The following RALYL variants were observed in gnomAD, a reference collection of about 807,000 sequenced individuals.
RALYL encodes the protein RNA-binding Raly-like protein.
In RALYL, 29 loss-of-function variants were observed where a neutral mutation model predicts 35.1. The observed-to-expected ratio is 0.83, with a 90% CI of 0.61 to 1.13. The LOEUF is 1.13. Among genes scored for constraint, RALYL ranks in the 50% most tolerant of loss-of-function variants. The pLI is 0.00. For missense variants in RALYL, 359 were observed against 360.4 expected (o/e 1.00, Z 0.03); for synonymous variants, 120 against 127.6 (o/e 0.94, Z 0.40).
chr8:84,314,389 G>A (rs897384525), intron 1 of RALYL, among the ~76,000 whole-genome samples: 8 of 151,702 alleles, frequency 5.3e-5, no homozygotes, highest in Admixed American at 1.3e-4. Context: ...ATAAAAAGAA[G>A]AGAAAAGATA....
intron 2 of RALYL, among the ~76,000 whole-genome samples, chr8:84,749,098 T>TA (rs532869373): frequency 2.6e-5 from 4 of 152,020 alleles, no homozygotes; most frequent in Non-Finnish European, 2.9e-5. Flanking sequence ...CTAAAGTGTT[T>TA]AAAAAAAACT....
chr8:84,463,790 C>CATA (rs2051119025), intron 1 of RALYL, among the ~76,000 whole-genome samples: 2 of 152,124 alleles, frequency 1.3e-5, no homozygotes, highest in South Asian at 4.1e-4. Flanking sequence ...TAAAAAATCA[C>CATA]CCTTTTTAGT....
chr8:84,467,227 G>T (rs1332234268), intron 1 of RALYL, among the ~76,000 whole-genome samples: 1 of 152,008 alleles, frequency 6.6e-6, no homozygotes, highest in East Asian at 1.9e-4. Context: ...TCTTTTAATT[G>T]TGATGTTAGG....
intron 2 of RALYL, among the ~76,000 whole-genome samples, chr8:84,621,157 G>T (rs932161945): frequency 6.6e-6 from 1 of 152,162 alleles, no homozygotes; most frequent in Admixed American, 6.5e-5. Flanking sequence ...ACCTAAGCAC[G>T]CCTGGGCAAT....
intron 1 of RALYL, among the ~76,000 whole-genome samples, chr8:84,515,256 T>C (rs1429298008): frequency 1.3e-5 from 2 of 152,194 alleles, no homozygotes; most frequent in Non-Finnish European, 2.9e-5. Flanking sequence ...TACAGGCTTT[T>C]TCTTTATGCA....
chr8:84,758,323 G>C (rs1811910008), intron 2 of RALYL, among the ~76,000 whole-genome samples: 1 of 152,080 alleles, frequency 6.6e-6, no homozygotes, highest in African/African-American at 2.4e-5. Flanking sequence ...TTCCTTCTTT[G>C]GGTAGGTAAA....
intron 1 of RALYL, among the ~76,000 whole-genome samples, chr8:84,281,864 G>A (rs773812211): frequency 1.3e-5 from 2 of 151,542 alleles, no homozygotes; most frequent in Admixed American, 1.3e-4. Flanking sequence ...TTCCCTTCAC[G>A]GCCAATGACT....
chr8:84,759,493 C>T (rs1008006878), intron 2 of RALYL, among the ~76,000 whole-genome samples: 2 of 152,114 alleles, frequency 1.3e-5, no homozygotes, highest in Admixed American at 1.3e-4. Flanking sequence ...ACATCCATAC[C>T]TTTCTCTTTC....
intron 1 of RALYL, among the ~76,000 whole-genome samples, chr8:84,452,078 G>T (rs1379151879): frequency 6.6e-6 from 1 of 151,882 alleles, no homozygotes; most frequent in Non-Finnish European, 1.5e-5. Flanking sequence ...TTAATAAATG[G>T]TTACCCACAG....
At chr8:84,812,967 C>T (rs1826260389) in intron 4 of RALYL, among the ~76,000 whole-genome samples, 1 of 152,212 alleles carries the variant, frequency 6.6e-6, no homozygotes, top group South Asian at 2.1e-4. Flanking sequence ...CAAAATTCAG[C>T]TGGAGATTTC....
chr8:84,875,870 T>G (rs1003306767), intron 7 of RALYL, among the ~76,000 whole-genome samples: 2 of 152,156 alleles, frequency 1.3e-5, no homozygotes, highest in Non-Finnish European at 2.9e-5. Context: ...TCTTCATTAT[T>G]ACTCTTTCAT....
chr8:84,906,173 T>C (rs1251365829), intron 8 of RALYL, among the ~76,000 whole-genome samples: 1 of 152,134 alleles, frequency 6.6e-6, no homozygotes, highest in East Asian at 1.9e-4. Flanking sequence ...GGCCTAAGTA[T>C]TTTATCTGCC....
chr8:84,857,470 A>G (rs1837288249), intron 5 of RALYL, among the ~76,000 whole-genome samples: 1 of 152,242 alleles, frequency 6.6e-6, no homozygotes, highest in Non-Finnish European at 1.5e-5. Flanking sequence ...ACTAATCTAA[A>G]ATGAAAATTT....
intron 1 of RALYL, among the ~76,000 whole-genome samples, chr8:84,430,782 C>T (rs1199166251): frequency 6.6e-6 from 1 of 152,010 alleles, no homozygotes; most frequent in Non-Finnish European, 1.5e-5. Flanking sequence ...TATTTACTAA[C>T]ATTCAAAGCA....
intron 1 of RALYL, among the ~76,000 whole-genome samples, chr8:84,205,508 C>A (rs185644185): frequency 6.6e-6 from 1 of 152,114 alleles, no homozygotes; most frequent in East Asian, 1.9e-4. Context: ...ACCACATATG[C>A]AAAGGGAAAG....
chr8:84,637,283 G>C (rs958339272), intron 2 of RALYL, among the ~76,000 whole-genome samples: 1 of 151,826 alleles, frequency 6.6e-6, no homozygotes, highest in African/African-American at 2.4e-5. Flanking sequence ...GTGTTTTCAG[G>C]TATTTAAGGA....
At chr8:84,394,869 C>T (rs1487123406) in intron 1 of RALYL, among the ~76,000 whole-genome samples, 1 of 151,750 alleles carries the variant, frequency 6.6e-6, no homozygotes, top group Non-Finnish European at 1.5e-5. Context: ...TGTGGTTTTT[C>T]TCAGGGGTGG....
chr8:84,664,751 A>G (rs1310263788), intron 2 of RALYL, among the ~76,000 whole-genome samples: 13 of 152,106 alleles, frequency 8.5e-5, no homozygotes, highest in Admixed American at 8.5e-4. Context: ...TTTTCTAGAT[A>G]TAGGATCGTG....
intron 1 of RALYL, among the ~76,000 whole-genome samples, chr8:84,331,237 G>T (rs1846750386): frequency 6.6e-6 from 1 of 151,946 alleles, no homozygotes; most frequent in Non-Finnish European, 1.5e-5. Context: ...CCATAATATT[G>T]ATCTTTGCAC....
Sources: allele counts gnomAD v4.1 joint callset (sites outside exome capture counted in the v4.1 genomes callset), GRCh38; gene constraint gnomAD v4.1.1; transcripts MANE v1.5; gene names NCBI Gene and HGNC (gene_info 2026-07-23, HGNC 2026-07-21).